Variants in GRIK2 observed in about 807,000 individuals in gnomAD.
The protein encoded by GRIK2 is glutamate ionotropic receptor kainate type subunit 2, also known as glutamate receptor ionotropic, kainate 2.
In GRIK2, 32 loss-of-function variants were observed where a neutral mutation model predicts 100.3. The ratio of observed to expected loss-of-function variants is 0.32; its 90% CI spans 0.24 to 0.43. GRIK2 has a LOEUF of 0.43. Ranked by LOEUF, GRIK2 falls within the 20% of genes least tolerant of loss-of-function variation. The pLI is 1.00. For synonymous variants in GRIK2, 417 were observed against 389.4 expected (o/e 1.07, Z -0.83); for missense variants, 843 against 1,114.9 (o/e 0.76, Z 3.47).
chr6:101,586,718 T>A (rs1475648225), intron 2 of GRIK2, among the ~76,000 whole-genome samples: 13 of 145,912 alleles, frequency 8.9e-5, no homozygotes, highest in African/African-American at 3.0e-4. Flanking sequence ...AAAATAAAAT[T>A]AAAAAAAAAA....
At chr6:102,025,382 C>T (rs1025065983) in intron 14 of GRIK2, among the ~76,000 whole-genome samples, 2 of 151,000 alleles carry the variant, frequency 1.3e-5, no homozygotes, top group African/African-American at 4.9e-5. Context: ...AATATACTAC[C>T]TAGTCATTAA....
At chr6:101,934,521 T>C (rs925598849) in intron 14 of GRIK2, among the ~76,000 whole-genome samples, 9 of 151,836 alleles carry the variant, frequency 5.9e-5, no homozygotes, top group African/African-American at 1.7e-4. Flanking sequence ...CCTGCAATAA[T>C]TTTTTTGAGA....
chr6:102,046,268 C>A (rs1770882058), intron 15 of GRIK2, among the ~76,000 whole-genome samples: 1 of 151,976 alleles, frequency 6.6e-6, no homozygotes, highest in Non-Finnish European at 1.5e-5. Flanking sequence ...ATAGGTAAAT[C>A]AACCAGACAG....
intron 2 of GRIK2, among the ~76,000 whole-genome samples, chr6:101,433,722 CAG>C (rs1033822057): frequency 6.6e-6 from 1 of 151,908 alleles, no homozygotes; most frequent in Non-Finnish European, 1.5e-5. Context: ...CATTCCAAAA[CAG>C]AGCAATGGCC....
rs1183680513 is a variant in GRIK2 at position 101,608,753 on chromosome 6, TATC to T, written c.116-13193_116-13191del. On this transcript the variant is annotated intron_variant, in intron 2 of 16. Coordinates refer to ENST00000369134, the MANE Select transcript of GRIK2 (RefSeq NM_021956.5). ...CTTCTCAGGGGATGTTTAGGAGTATTATCATTTTTAATGGAAATCTCTCATAGA... is the reference window on the plus strand; with the variant it reads ...CTTCTCAGGGGATGTTTAGGAGTATTATTTTTAATGGAAATCTCTCATAGA... Among the ~76,000 whole-genome samples the T allele has an allele frequency of 4.6e-5, 7 of 151,644 alleles. No homozygotes were observed. In the Admixed American group the frequency reaches 4.6e-4, roughly 10 times the overall value.
chr6:101,976,093 G>A (rs1285365213), intron 14 of GRIK2, among the ~76,000 whole-genome samples: 1 of 151,878 alleles, frequency 6.6e-6, no homozygotes, highest in Non-Finnish European at 1.5e-5. Context: ...AGAGGTCAAA[G>A]TGAAGGGAAA....
At chr6:101,630,012 A>G (rs759338696) in intron 4 of GRIK2, among the ~76,000 whole-genome samples, 4 of 152,168 alleles carry the variant, frequency 2.6e-5, no homozygotes, top group Non-Finnish European at 4.4e-5. Context: ...AATGGCTTTC[A>G]GCTACATCCA....
intron 9 of GRIK2, among the ~76,000 whole-genome samples, chr6:101,805,288 C>A: frequency 6.7e-6 from 1 of 149,504 alleles, no homozygotes; most frequent in Non-Finnish European, 1.5e-5. Flanking sequence ...TGCCACCGAA[C>A]TTCTCTGTGC....
At chr6:101,791,254 T>C (rs1462733872) in intron 7 of GRIK2, among the ~76,000 whole-genome samples, 1 of 152,208 alleles carries the variant, frequency 6.6e-6, no homozygotes, top group Non-Finnish European at 1.5e-5. Context: ...TGCTAGCTTT[T>C]GAATGTGTTT....
chr6:101,821,893 C>T (rs1392872513), intron 10 of GRIK2, among the ~76,000 whole-genome samples: 1 of 152,008 alleles, frequency 6.6e-6, no homozygotes, highest in African/African-American at 2.4e-5. Flanking sequence ...AATGACATTT[C>T]TCCCATATCC....
chr6:101,759,879 T>TTA (rs1228590588), intron 7 of GRIK2, among the ~76,000 whole-genome samples: 5 of 135,044 alleles, frequency 3.7e-5, no homozygotes, highest in African/African-American at 1.7e-4. Context: ...TTATTTTTAT[T>TTA]TTTATTTTTT....
intron 7 of GRIK2, among the ~76,000 whole-genome samples, chr6:101,779,928 T>G (rs910744294): frequency 4.6e-5 from 7 of 152,170 alleles, no homozygotes; most frequent in African/African-American, 1.7e-4. Context: ...ACAGATTATC[T>G]TATCTTCATT....
intron 7 of GRIK2, among the ~76,000 whole-genome samples, chr6:101,736,452 C>A (rs1775637195): frequency 6.6e-6 from 1 of 152,184 alleles, no homozygotes. Context: ...GAAATCTAGG[C>A]AGAGGTTCCC....
At chr6:101,816,446 C>A (rs1781634568) in intron 9 of GRIK2, among the ~76,000 whole-genome samples, 2 of 152,100 alleles carry the variant, frequency 1.3e-5, no homozygotes, top group Admixed American at 1.3e-4. Context: ...CTTTGGGAGG[C>A]CAAGGCAGGC....
At chr6:101,494,487 A>G in intron 2 of GRIK2, among the ~76,000 whole-genome samples, 1 of 152,194 alleles carries the variant, frequency 6.6e-6, no homozygotes. Context: ...CTTGAAGTTT[A>G]AAAACTTTAA....
intron 4 of GRIK2, among the ~76,000 whole-genome samples, chr6:101,636,946 C>T (rs1431261720): frequency 1.3e-5 from 2 of 152,026 alleles, no homozygotes; most frequent in African/African-American, 4.8e-5. Flanking sequence ...AAGGATAGTT[C>T]TTGTATCATC....
At chr6:102,012,769 T>C (rs1015714044) in intron 14 of GRIK2, among the ~76,000 whole-genome samples, 1 of 152,094 alleles carries the variant, frequency 6.6e-6, no homozygotes, top group African/African-American at 2.4e-5. Flanking sequence ...ATTTCTGGAT[T>C]CTCTGTTCTG....
intron 14 of GRIK2, among the ~76,000 whole-genome samples, chr6:101,978,625 C>T (rs916097203): frequency 4.6e-5 from 7 of 151,868 alleles, no homozygotes; most frequent in South Asian, 2.1e-4. Flanking sequence ...AAGCCAACTT[C>T]CCTGTGTTTT....
intron 10 of GRIK2, among the ~76,000 whole-genome samples, chr6:101,840,807 A>G (rs1244864450): frequency 6.6e-6 from 1 of 152,228 alleles, no homozygotes; most frequent in African/African-American, 2.4e-5. Flanking sequence ...AAAAGCATGA[A>G]TTTATTTTAA....
Sources: allele counts gnomAD v4.1 joint callset (sites outside exome capture counted in the v4.1 genomes callset), GRCh38; gene constraint gnomAD v4.1.1; transcripts MANE v1.5; gene names NCBI Gene and HGNC (gene_info 2026-07-23, HGNC 2026-07-21).